MAML2: variants seen among roughly 807,000 people sequenced by gnomAD.
The protein encoded by MAML2 is mastermind like transcriptional coactivator 2, also known as mastermind-like protein 2.
Under a neutral mutation model 96.1 loss-of-function variants are expected in MAML2, and 22 were observed. The observed-to-expected ratio is 0.23, with a 90% confidence interval of 0.16 to 0.33. The LOEUF (loss-of-function observed/expected upper bound fraction) is 0.33. Ranked by LOEUF, MAML2 falls within the 10% of genes least tolerant of loss-of-function variation. The pLI, the probability that MAML2 is intolerant of heterozygous loss-of-function variation, is 1.00. For synonymous variants in MAML2, 561 were observed against 521.3 expected (o/e 1.08, Z -1.04); for missense variants, 1,367 against 1,392.4 (o/e 0.98, Z 0.29).
chr11:95,981,355 G>A (rs1021297480), intron 4 of MAML2, among the ~76,000 whole-genome samples: 20 of 152,176 alleles, frequency 1.3e-4, no homozygotes, highest in African/African-American at 4.3e-4. Context: ...ACTTCTGGAG[G>A]TTAAAGTCAT....
At chr11:96,126,470 G>C (rs975632435) in intron 1 of MAML2, among the ~76,000 whole-genome samples, 2 of 152,122 alleles carry the variant, frequency 1.3e-5, no homozygotes, top group Admixed American at 1.3e-4. Flanking sequence ...GCTGAGACAA[G>C]AGAATCACTT....
At chr11:96,324,776 T>C (rs770702016) in intron 1 of MAML2, among the ~76,000 whole-genome samples, 3 of 152,170 alleles carry the variant, frequency 2.0e-5, no homozygotes, top group Admixed American at 6.5e-5. Flanking sequence ...ATATATTCAT[T>C]CTGAAATAAG....
chr11:95,978,147 A>G lies in MAML2; in HGVS notation c.*801T>C, dbSNP rs1325509794. ...TAGCAATGTCCACTGGGTTTTTTAA[A>G]AAAGTGAAATCTAATGCAGAGAGGT... On this transcript the variant is annotated 3_prime_UTR_variant, in exon 5 of 5. Coordinates refer to ENST00000524717, the MANE Select transcript of MAML2 (RefSeq NM_032427.4). The G allele has an allele frequency of 4.7e-6, 1 of 212,782 alleles. No homozygotes were observed. Among genetic ancestry groups the G allele is most frequent in the Admixed American group, 5.9e-5 (1 of 17,076 alleles). 13.2% of individuals were successfully genotyped at this position (212,782 alleles called of 1,614,324 possible). A position where few individuals can be genotyped will look rare whatever the true frequency, so the allele number is the denominator to read the frequency against.
intron 1 of MAML2, among the ~76,000 whole-genome samples, chr11:96,115,042 A>T (rs1860210677): frequency 6.6e-6 from 1 of 152,178 alleles, no homozygotes; most frequent in Non-Finnish European, 1.5e-5. Flanking sequence ...ACGGAAGTTC[A>T]TGGGCTGGCA....
intron 1 of MAML2, among the ~76,000 whole-genome samples, chr11:96,142,742 G>C (rs907529519): frequency 6.6e-6 from 1 of 152,184 alleles, no homozygotes; most frequent in Non-Finnish European, 1.5e-5. Flanking sequence ...GCATTGATGA[G>C]GTTATTGCTT....
intron 1 of MAML2, among the ~76,000 whole-genome samples, chr11:96,248,578 G>C (rs910204282): frequency 6.6e-6 from 1 of 151,734 alleles, no homozygotes; most frequent in South Asian, 2.1e-4. Context: ...TCCCACCCAG[G>C]GACTTCACCC....
chr11:96,320,918 A>G (rs1050567345), intron 1 of MAML2, among the ~76,000 whole-genome samples: 1 of 152,200 alleles, frequency 6.6e-6, no homozygotes, highest in Non-Finnish European at 1.5e-5. Context: ...GAGTGGGAGA[A>G]AACATGTGGA....
At chr11:96,000,696 A>G (rs1858066546) in intron 2 of MAML2, among the ~76,000 whole-genome samples, 1 of 152,222 alleles carries the variant, frequency 6.6e-6, no homozygotes, top group African/African-American at 2.4e-5. Flanking sequence ...ACTAAAAAAC[A>G]ACTTACAGAT....
intron 1 of MAML2, among the ~76,000 whole-genome samples, chr11:96,187,593 G>T (rs528272150): frequency 6.6e-6 from 1 of 152,164 alleles, no homozygotes; most frequent in East Asian, 1.9e-4. Context: ...TGGATCACAA[G>T]GTCAGAAGAT....
chr11:96,151,243 CTT>C (rs1164793481), intron 1 of MAML2, among the ~76,000 whole-genome samples: 1 of 152,216 alleles, frequency 6.6e-6, no homozygotes, highest in Non-Finnish European at 1.5e-5. Context: ...TTTCACCTCT[CTT>C]TATCCTTCTG....
At chr11:96,143,689 T>C (rs940528915) in intron 1 of MAML2, among the ~76,000 whole-genome samples, 1 of 152,168 alleles carries the variant, frequency 6.6e-6, no homozygotes, top group African/African-American at 2.4e-5. Flanking sequence ...CTTGCACATA[T>C]TTTGTGCTTT....
chr11:95,992,570 A>G (rs73519283), intron 2 of MAML2, among the ~76,000 whole-genome samples: 1,856 of 152,334 alleles, frequency 0.012, 31 homozygotes, highest in African/African-American at 0.043. Context: ...TAGGGTTACA[A>G]GAAGACTAGA....
chr11:96,330,269 G>A (rs903251916), intron 1 of MAML2, among the ~76,000 whole-genome samples: 7 of 152,278 alleles, frequency 4.6e-5, no homozygotes, highest in African/African-American at 1.7e-4. Context: ...ACATTGAGAA[G>A]AGACAAAGAG....
rs868617400 is a variant in MAML2 at position 96,260,721 on chromosome 11, G to T, written c.513+80662C>A. ...CTTATATCCAGAAATATTGTAGTGT[G>T]TGTGGGAGGAAAAATCCCTATTTGT... On this transcript the variant is annotated intron_variant, in intron 1 of 4. Transcript: ENST00000524717. Among the ~76,000 whole-genome samples, 13 of 151,886 alleles carry T rather than the reference G, an allele frequency of 8.6e-5. No individual in the cohort carries two copies. The South Asian group carries it at 1.2e-3, about 15-fold the overall frequency.
intron 1 of MAML2, among the ~76,000 whole-genome samples, chr11:96,125,421 G>A (rs868270713): frequency 3.3e-5 from 5 of 152,144 alleles, no homozygotes; most frequent in African/African-American, 1.2e-4. Flanking sequence ...TGTAACACAA[G>A]TGGGTGGCTA....
chr11:96,254,261 C>A (rs1862630047), intron 1 of MAML2, among the ~76,000 whole-genome samples: 1 of 152,132 alleles, frequency 6.6e-6, no homozygotes, highest in East Asian at 1.9e-4. Flanking sequence ...CACACACAAA[C>A]CTCAGTAGTA....
chr11:96,066,459 A>T (rs1859247391), intron 2 of MAML2, among the ~76,000 whole-genome samples: 1 of 152,096 alleles, frequency 6.6e-6, no homozygotes, highest in African/African-American at 2.4e-5. Context: ...GGATGAATAA[A>T]ATTATATAGG....
chr11:96,293,362 A>G (rs1313171382), intron 1 of MAML2, among the ~76,000 whole-genome samples: 1 of 152,232 alleles, frequency 6.6e-6, no homozygotes, highest in Non-Finnish European at 1.5e-5. Context: ...CAGATCTTAC[A>G]AAATTATGTT....
intron 1 of MAML2, among the ~76,000 whole-genome samples, chr11:96,120,236 C>T (rs1000498934): frequency 6.6e-6 from 1 of 152,112 alleles, no homozygotes; most frequent in Non-Finnish European, 1.5e-5. Flanking sequence ...GGTTTACAGG[C>T]GTGAGCCACC....
Sources: allele counts gnomAD v4.1 joint callset (sites outside exome capture counted in the v4.1 genomes callset), GRCh38; gene constraint gnomAD v4.1.1; transcripts MANE v1.5; gene names NCBI Gene and HGNC (gene_info 2026-07-23, HGNC 2026-07-21).